OXR1: variants seen among roughly 807,000 people sequenced by gnomAD.
OXR1 encodes the protein oxidation resistance 1.
A neutral mutation model predicts 104.6 loss-of-function variants in OXR1; 41 were observed. That is an observed-to-expected ratio of 0.39 (90% CI 0.31 to 0.51). The LOEUF (loss-of-function observed/expected upper bound fraction) is 0.51, where lower values mean the gene tolerates loss of function less well. OXR1 is among the 20% of genes least tolerant of loss of function. The pLI is 0.77. For synonymous variants in OXR1, 348 were observed against 348.4 expected (o/e 1.00, Z 0.01); for missense variants, 955 against 1,031.9 (o/e 0.93, Z 1.02).
intron 2 of OXR1, among the ~76,000 whole-genome samples, chr8:106,514,286 C>A (rs1390521974): frequency 6.6e-6 from 1 of 152,110 alleles, no homozygotes; most frequent in East Asian, 1.9e-4. Context: ...AAAAAGACTT[C>A]CCCTTTCACG....
chr8:106,472,596 T>C (rs2130683765), intron 2 of OXR1, among the ~76,000 whole-genome samples: 1 of 151,996 alleles, frequency 6.6e-6, no homozygotes, highest in East Asian at 1.9e-4. Context: ...ACAAATTTAC[T>C]GCTACAGTAA....
rs1835933236 is a variant in OXR1, at chr8:106,752,225, GGTGTA to G, written c.*1287_*1291del. On this transcript the variant is annotated 3_prime_UTR_variant, in exon 17 of 17. Coordinates refer to ENST00000517566, the MANE Select transcript of OXR1 (RefSeq NM_001198533.2). The stretch of plus-strand genomic sequence containing the variant: ...TATATCTTGTAAATTAATGTTTAAA[GGTGTA>G]GTTTTGTTCTTACAGAAAGTGTTGA... The G allele has an allele frequency of 6.6e-6, 1 of 152,294 alleles. No homozygotes were observed. The highest frequency in any genetic ancestry group is 6.6e-5 in the Admixed American group (1 of 15,262). 9.4% of individuals were successfully genotyped at this position (152,294 alleles called of 1,614,324 possible).
intron 2 of OXR1, among the ~76,000 whole-genome samples, chr8:106,430,504 A>T (rs1563519081): frequency 6.6e-6 from 1 of 152,156 alleles, no homozygotes; most frequent in Non-Finnish European, 1.5e-5. Flanking sequence ...ACTCTCCTAA[A>T]CACCTGCTGG....
intron 3 of OXR1, among the ~76,000 whole-genome samples, chr8:106,608,691 G>A (rs1820586468): frequency 6.6e-6 from 1 of 152,134 alleles, no homozygotes; most frequent in Non-Finnish European, 1.5e-5. Flanking sequence ...TCAACTCTCA[G>A]TACCCAGTGA....
At chr8:106,559,155 A>G (rs1816495500) in intron 3 of OXR1, among the ~76,000 whole-genome samples, 1 of 152,156 alleles carries the variant, frequency 6.6e-6, no homozygotes, top group African/African-American at 2.4e-5. Context: ...ATCCTCCACA[A>G]AACACTGGGA....
chr8:106,520,912 G>A (rs1253748097), intron 3 of OXR1, among the ~76,000 whole-genome samples: 1 of 152,150 alleles, frequency 6.6e-6, no homozygotes, highest in Non-Finnish European at 1.5e-5. Flanking sequence ...TGACTAATGG[G>A]CTAAGCCTAG....
chr8:106,586,458 G>A (rs2130663801), intron 3 of OXR1, among the ~76,000 whole-genome samples: 1 of 152,316 alleles, frequency 6.6e-6, no homozygotes, highest in African/African-American at 2.4e-5. Flanking sequence ...GAATTCAGGA[G>A]TTTACTTCTG....
In OXR1 at chr8:106,530,411, C is replaced by T. The variant is rs566435132; in HGVS notation, c.220+11272C>T. On this transcript the variant is annotated intron_variant, in intron 3 of 16. Transcript: ENST00000517566. The stretch of plus-strand genomic sequence containing the variant: ...TTCCTGGGCGCAAGTCAGCCTTCTG[C>T]CTCCAGGGTAGCTGGGATTACAGGT... Among the ~76,000 whole-genome samples the T allele has an allele frequency of 1.9e-3, 288 of 152,132 alleles. 1 individual carries two copies. Among genetic ancestry groups the T allele is most frequent in the Non-Finnish European group, 3.0e-3 (204 of 68,020 alleles).
chr8:106,374,197 G>A (rs946378276), intron 2 of OXR1, among the ~76,000 whole-genome samples: 47 of 152,304 alleles, frequency 3.1e-4, no homozygotes, highest in African/African-American at 1.1e-3. Flanking sequence ...TATATAAGGA[G>A]CATGGCTAAT....
At chr8:106,446,630 A>C (rs1446429791) in intron 2 of OXR1, among the ~76,000 whole-genome samples, 1 of 151,804 alleles carries the variant, frequency 6.6e-6, no homozygotes, top group African/African-American at 2.4e-5. Flanking sequence ...AAAAAAAAAA[A>C]CTAAAAAATC....
At chr8:106,376,707 T>C (rs750425398) in intron 2 of OXR1, among the ~76,000 whole-genome samples, 1 of 152,200 alleles carries the variant, frequency 6.6e-6, no homozygotes, top group Non-Finnish European at 1.5e-5. Context: ...TAGCCCTAAA[T>C]TGGGGTTCCA....
At chr8:106,452,873 T>C (rs780482123) in intron 2 of OXR1, among the ~76,000 whole-genome samples, 11 of 136,766 alleles carry the variant, frequency 8.0e-5, no homozygotes, top group Non-Finnish European at 1.7e-4. Flanking sequence ...GGATCTGTCC[T>C]GTTTTAGGAC....
At chr8:106,489,053 T>G (rs1280674013) in intron 2 of OXR1, among the ~76,000 whole-genome samples, 1 of 149,588 alleles carries the variant, frequency 6.7e-6, no homozygotes, top group Non-Finnish European at 1.5e-5. Flanking sequence ...TTCCTACCCA[T>G]GAGCATGGAA....
chr8:106,443,966 A>G (rs1819900598), intron 2 of OXR1, among the ~76,000 whole-genome samples: 1 of 152,162 alleles, frequency 6.6e-6, no homozygotes, highest in Admixed American at 6.6e-5. Context: ...CTGATATCCA[A>G]AATTTAAAAG....
At chr8:106,610,148 A>G (rs1490321477) in intron 3 of OXR1, among the ~76,000 whole-genome samples, 4 of 148,208 alleles carry the variant, frequency 2.7e-5, no homozygotes, top group African/African-American at 1.0e-4. Context: ...AGTTGCCTTC[A>G]GTGTTCTTTG....
intron 3 of OXR1, among the ~76,000 whole-genome samples, chr8:106,676,730 T>G (rs764207576): frequency 6.6e-6 from 1 of 152,134 alleles, no homozygotes; most frequent in Non-Finnish European, 1.5e-5. Flanking sequence ...ATGTTGTGAT[T>G]ATTTGATTGT....
At chr8:106,694,890 GATAA>G (rs1187805811) in intron 7 of OXR1, among the ~76,000 whole-genome samples, 10 of 73,126 alleles carry the variant, frequency 1.4e-4, no homozygotes, top group Admixed American at 8.7e-4. Flanking sequence ...ATATTTAATA[GATAA>G]ATATATTTAT....
At chr8:106,471,162 T>C (rs1821471441) in intron 2 of OXR1, among the ~76,000 whole-genome samples, 1 of 151,636 alleles carries the variant, frequency 6.6e-6, no homozygotes, top group African/African-American at 2.4e-5. Context: ...ATGCTGATAT[T>C]AACAGTTTAG....
intron 2 of OXR1, among the ~76,000 whole-genome samples, chr8:106,448,763 A>G (rs1451191619): frequency 6.6e-6 from 1 of 152,194 alleles, no homozygotes; most frequent in Non-Finnish European, 1.5e-5. Flanking sequence ...ATCAGTTAAA[A>G]CAAAAGTGCA....
Sources: allele counts gnomAD v4.1 joint callset (sites outside exome capture counted in the v4.1 genomes callset), GRCh38; gene constraint gnomAD v4.1.1; transcripts MANE v1.5; gene names NCBI Gene and HGNC (gene_info 2026-07-23, HGNC 2026-07-21).